OPCML: variants seen among roughly 807,000 people sequenced by gnomAD.
OPCML encodes the protein opioid-binding protein/cell adhesion molecule.
In OPCML, 13 loss-of-function variants were observed where a neutral mutation model predicts 37.8. That is an observed-to-expected ratio of 0.34 (90% CI 0.22 to 0.55). The LOEUF (loss-of-function observed/expected upper bound fraction) is 0.55, where lower values mean the gene tolerates loss of function less well. Ranked by LOEUF, OPCML falls within the 20% of genes least tolerant of loss-of-function variation. OPCML has a pLI of 0.91. For missense variants in OPCML, 341 were observed against 435.6 expected (o/e 0.78, Z 1.93); for synonymous variants, 176 against 168.8 (o/e 1.04, Z -0.33).
At chr11:132,519,310 T>C (rs2096287038) in intron 4 of OPCML, among the ~76,000 whole-genome samples, 1 of 152,096 alleles carries the variant, frequency 6.6e-6, no homozygotes, top group Admixed American at 6.5e-5. Flanking sequence ...TTTCTGAGAC[T>C]TCCAGTGTTA....
chr11:133,026,326 A>G (rs1431199632), intron 1 of OPCML: 2 of 947,268 alleles, frequency 2.1e-6, no homozygotes, highest in Non-Finnish European at 2.5e-6. Context: ...TCAACATTTG[A>G]TAGTTTTCCT....
intron 2 of OPCML, among the ~76,000 whole-genome samples, chr11:132,841,444 G>C (rs1318014512): frequency 6.6e-6 from 1 of 152,164 alleles, no homozygotes; most frequent in South Asian, 2.1e-4. Flanking sequence ...CAAGGCCCAG[G>C]GGGGTTAAAA....
chr11:132,553,702 G>A (rs1463938353), intron 3 of OPCML, among the ~76,000 whole-genome samples: 1 of 152,178 alleles, frequency 6.6e-6, no homozygotes, highest in Non-Finnish European at 1.5e-5. Flanking sequence ...TAGAAAGGAA[G>A]ATTCAGTTAT....
chr11:133,421,037 G>T, intron 1 of OPCML: 2 of 985,366 alleles, frequency 2.0e-6, no homozygotes, highest in Non-Finnish European at 2.4e-6. Context: ...ATGGGGTGTA[G>T]ATTTTGTCCT....
intron 1 of OPCML, among the ~76,000 whole-genome samples, chr11:133,482,272 G>A (rs573813072): frequency 2.0e-5 from 3 of 152,174 alleles, no homozygotes; most frequent in Admixed American, 6.5e-5. Context: ...GAGAACATCT[G>A]AGAGGAAATG....
At chr11:133,191,324 C>T (rs1938303776) in intron 1 of OPCML, among the ~76,000 whole-genome samples, 1 of 151,992 alleles carries the variant, frequency 6.6e-6, no homozygotes, top group Admixed American at 6.6e-5. Context: ...ATTGGTTTGT[C>T]ATTTTATTAT....
chr11:133,141,104 A>AAGC (rs770400076), intron 1 of OPCML, among the ~76,000 whole-genome samples: 6 of 135,292 alleles, frequency 4.4e-5, no homozygotes, highest in African/African-American at 1.4e-4. Flanking sequence ...GGAGAAGAAG[A>AAGC]AGCAGCTGAA....
intron 4 of OPCML, among the ~76,000 whole-genome samples, chr11:132,516,661 A>G (rs1444158234): frequency 6.6e-6 from 1 of 152,096 alleles, no homozygotes; most frequent in Non-Finnish European, 1.5e-5. Flanking sequence ...GAAACAAACT[A>G]ATTGCTCTTC....
Position 133,173,606 on chromosome 11 carries a change from C to A in OPCML, c.62-230596G>T, listed in dbSNP as rs1002586892. Among the ~76,000 whole-genome samples the A allele has an allele frequency of 6.6e-6, 1 of 152,114 alleles. No homozygotes were observed. The highest frequency in any genetic ancestry group is 6.5e-5 in the Admixed American group (1 of 15,284). ...TCACATCACCTTTCAAATCACCCCCCAGATGCCTCTCATTGCAAAAATTAG... is the reference window on the plus strand; with the variant it reads ...TCACATCACCTTTCAAATCACCCCCAAGATGCCTCTCATTGCAAAAATTAG... On this transcript the variant is annotated intron_variant, in intron 1 of 7. Coordinates refer to ENST00000524381, the MANE Select transcript of OPCML (RefSeq NM_001012393.5). The surrounding 1 kb of genome is among the most constrained non-coding windows in gnomAD (Gnocchi z 7.8).
At chr11:133,260,217 A>C (rs1161234463) in intron 1 of OPCML, among the ~76,000 whole-genome samples, 1 of 151,686 alleles carries the variant, frequency 6.6e-6, no homozygotes, top group Non-Finnish European at 1.5e-5. Flanking sequence ...CATTGGGGCC[A>C]GTGAGTGGAG....
intron 1 of OPCML, among the ~76,000 whole-genome samples, chr11:132,954,470 T>C (rs1353262893): frequency 1.3e-5 from 2 of 152,132 alleles, no homozygotes; most frequent in African/African-American, 4.8e-5. Context: ...TTTTAAGGAC[T>C]GGGTATGACT....
At chr11:133,151,992 A>C (rs568507038) in intron 1 of OPCML, among the ~76,000 whole-genome samples, 1 of 152,350 alleles carries the variant, frequency 6.6e-6, no homozygotes, top group South Asian at 2.1e-4. Context: ...TTGTATGAAG[A>C]ACAATGACAT....
intron 1 of OPCML, among the ~76,000 whole-genome samples, chr11:133,041,296 G>A (rs1052445125): frequency 3.3e-5 from 5 of 152,214 alleles, no homozygotes; most frequent in African/African-American, 4.8e-5. Context: ...CACAGTAAGT[G>A]TTCAATGTAT....
At chr11:132,628,113 A>C (rs1394236144) in intron 3 of OPCML, among the ~76,000 whole-genome samples, 1 of 152,144 alleles carries the variant, frequency 6.6e-6, no homozygotes, top group Non-Finnish European at 1.5e-5. Flanking sequence ...GGTATGCAGA[A>C]TTGCTGAGAG....
chr11:132,956,509 C>A (rs942896232), intron 1 of OPCML, among the ~76,000 whole-genome samples: 2 of 152,164 alleles, frequency 1.3e-5, no homozygotes, highest in African/African-American at 2.4e-5. Context: ...CTTGACACAG[C>A]ATTTTTATTG....
intron 2 of OPCML, among the ~76,000 whole-genome samples, chr11:132,896,796 C>T (rs768988165): frequency 1.4e-4 from 22 of 152,264 alleles, no homozygotes; most frequent in Middle Eastern, 3.4e-3. Context: ...TATCAGAGCA[C>T]GGGAGATAAT....
chr11:132,840,431 C>T (rs1041805691), intron 2 of OPCML, among the ~76,000 whole-genome samples: 1 of 152,154 alleles, frequency 6.6e-6, no homozygotes, highest in Non-Finnish European at 1.5e-5. Flanking sequence ...TTGCCAGTTC[C>T]CACTGGGCCC....
chr11:132,677,141 C>A (rs965567847), intron 2 of OPCML, among the ~76,000 whole-genome samples: 8 of 151,882 alleles, frequency 5.3e-5, no homozygotes, highest in Non-Finnish European at 1.2e-4. Context: ...AAACACAGTA[C>A]CATTGATATT....
intron 1 of OPCML, among the ~76,000 whole-genome samples, chr11:133,184,528 T>A (rs1026367681): frequency 5.9e-5 from 9 of 152,100 alleles, no homozygotes; most frequent in African/African-American, 2.2e-4. Context: ...GCGAGGCTGG[T>A]CATGGCAGAA....
Sources: allele counts gnomAD v4.1 joint callset (sites outside exome capture counted in the v4.1 genomes callset), GRCh38; gene constraint gnomAD v4.1.1; non-coding constraint Gnocchi (gnomAD v3.1); transcripts MANE v1.5; gene names NCBI Gene and HGNC (gene_info 2026-07-23, HGNC 2026-07-21).